Variants in RFPL1 observed in about 807,000 individuals in gnomAD.
The protein encoded by RFPL1 is ret finger protein-like 1.
RFPL1 carries 6 observed loss-of-function variants against 9.6 expected under a neutral mutation model. The ratio of observed to expected loss-of-function variants is 0.62; its 90% CI spans 0.34 to 1.23. The LOEUF is 1.23. Among genes scored for constraint, RFPL1 ranks in the 50% most tolerant of loss-of-function variants. RFPL1 has a pLI of 0.03. For missense variants in RFPL1, 352 were observed against 398.4 expected (o/e 0.88, Z 0.99); for synonymous variants, 145 against 149.4 (o/e 0.97, Z 0.22).
the RFPL1 span, among the ~76,000 whole-genome samples, chr22:29,425,071 G>A: frequency 4.0e-5 from 6 of 151,612 alleles, no homozygotes; most frequent in East Asian, 5.8e-4. Context: ...GGGCGTGGTG[G>A]CAGGCGCCTG....
the RFPL1 span, among the ~76,000 whole-genome samples, chr22:29,396,385 G>A: frequency 6.6e-6 from 1 of 152,316 alleles, no homozygotes; most frequent in East Asian, 1.9e-4. Context: ...TATGCAAGGA[G>A]GCCCCCACCA....
chr22:29,411,014 G>C, the RFPL1 span, among the ~76,000 whole-genome samples: 1 of 152,126 alleles, frequency 6.6e-6, no homozygotes, highest in Non-Finnish European at 1.5e-5. Context: ...GCCCCATCCT[G>C]GGTCATTACA....
the RFPL1 span, among the ~76,000 whole-genome samples, chr22:29,405,851 T>C: frequency 1.0e-3 from 157 of 152,146 alleles, no homozygotes; most frequent in Admixed American, 1.2e-3. Context: ...GGCTCACGCC[T>C]GTAATCCCAG....
At chr22:29,414,214 T>TTATATAAATTC in the RFPL1 span, among the ~76,000 whole-genome samples, 3 of 142,372 alleles carry the variant, frequency 2.1e-5, no homozygotes, top group East Asian at 2.1e-4. Context: ...AACATTCCTT[T>TTATATAAATTC]TGCACCCCCA....
the RFPL1 span, among the ~76,000 whole-genome samples, chr22:29,423,481 G>C: frequency 6.6e-6 from 1 of 151,782 alleles, no homozygotes; most frequent in Non-Finnish European, 1.5e-5. Context: ...CTCCCAAAGT[G>C]CTGGGATTAC....
At chr22:29,436,723 C>A (rs1257354403), upstream of RFPL1, 3 of 151,678 alleles carry the variant, frequency 2.0e-5, no homozygotes, top group Non-Finnish European at 2.9e-5. Flanking sequence ...TATTACATGT[C>A]AACTGAAAGT....
chr22:29,419,192 T>G, the RFPL1 span: 1 of 1,606,746 alleles, frequency 6.2e-7, no homozygotes, highest in Non-Finnish European at 8.5e-7. Context: ...GCAATCACTT[T>G]CTTCACTGCC....
upstream of RFPL1, chr22:29,434,595 C>T (rs192807586): frequency 2.2e-3 from 334 of 153,552 alleles, 2 homozygotes; most frequent in African/African-American, 7.7e-3. Flanking sequence ...CCTCTGGACA[C>T]CATTACTGGG....
the RFPL1 span, among the ~76,000 whole-genome samples, chr22:29,410,592 T>TATAG: frequency 8.6e-5 from 11 of 127,278 alleles, no homozygotes; most frequent in Non-Finnish European, 1.8e-4. Context: ...TCTATCTATA[T>TATAG]ATAGATATAT....
chr22:29,414,212 T>TA, the RFPL1 span, among the ~76,000 whole-genome samples: 1 of 36,850 alleles, frequency 2.7e-5, no homozygotes, highest in Non-Finnish European at 4.3e-5. Flanking sequence ...ATAACATTCC[T>TA]TTTGCACCCC....
chr22:29,427,831 T>C, the RFPL1 span, among the ~76,000 whole-genome samples: 1 of 152,174 alleles, frequency 6.6e-6, no homozygotes, highest in South Asian at 2.1e-4. Context: ...AGTTCCAGTT[T>C]ACCTGTTGTT....
chr22:29,442,050 T>G (rs773201235), exon 2 of RFPL1: 3 of 1,613,244 alleles, frequency 1.9e-6, no homozygotes, highest in Admixed American at 3.3e-5. Flanking sequence ...GTGATAAGAG[T>G]GTCTTGAGTA....
the RFPL1 span, among the ~76,000 whole-genome samples, chr22:29,424,179 CAG>C: frequency 1.3e-5 from 2 of 150,088 alleles, no homozygotes; most frequent in African/African-American, 4.9e-5. Flanking sequence ...TGCTTTGTCT[CAG>C]AAAAAAAAAA....
At chr22:29,407,151 T>G in the RFPL1 span, among the ~76,000 whole-genome samples, 3 of 151,412 alleles carry the variant, frequency 2.0e-5, no homozygotes, top group African/African-American at 7.3e-5. Context: ...AGGAGTGCAT[T>G]GGTGCAATCA....
At chr22:29,397,057 G>A in the RFPL1 span, among the ~76,000 whole-genome samples, 1 of 151,840 alleles carries the variant, frequency 6.6e-6, no homozygotes, top group African/African-American at 2.4e-5. Context: ...ACAGGCGCCT[G>A]CCACCGCGCC....
At chr22:29,410,305 T>G in the RFPL1 span, among the ~76,000 whole-genome samples, 7 of 101,568 alleles carry the variant, frequency 6.9e-5, no homozygotes, top group South Asian at 1.7e-3. Context: ...TAGATATATA[T>G]CTATATATAG....
At chr22:29,424,837 C>CCCA in the RFPL1 span, among the ~76,000 whole-genome samples, 1 of 106,636 alleles carries the variant, frequency 9.4e-6, no homozygotes. Flanking sequence ...CCTCCCACCC[C>CCCA]CCCCCCCGCA....
At chr22:29,394,909 C>T in the RFPL1 span, among the ~76,000 whole-genome samples, 1 of 152,250 alleles carries the variant, frequency 6.6e-6, no homozygotes, top group South Asian at 2.1e-4. Flanking sequence ...TTCTTCTCCA[C>T]TCACCCTTAC....
At chr22:29,421,051 G>A in the RFPL1 span, among the ~76,000 whole-genome samples, 1 of 152,100 alleles carries the variant, frequency 6.6e-6, no homozygotes, top group South Asian at 2.1e-4. Flanking sequence ...GCAAATGGAG[G>A]CTGTGAGAGG....
Sources: allele counts gnomAD v4.1 joint callset (sites outside exome capture counted in the v4.1 genomes callset), GRCh38; gene constraint gnomAD v4.1.1; transcripts MANE v1.5; gene names NCBI Gene and HGNC (gene_info 2026-07-23, HGNC 2026-07-21).